The following GMIP variants were observed in gnomAD, a reference collection of about 807,000 sequenced individuals.
The protein encoded by GMIP is GEM-interacting protein.
A neutral mutation model predicts 105.3 loss-of-function variants in GMIP; 54 were observed. That is an observed-to-expected ratio of 0.51 (90% CI 0.41 to 0.64). The LOEUF (loss-of-function observed/expected upper bound fraction) is 0.64. Among genes scored for constraint, GMIP ranks in the 30% least tolerant of loss-of-function variants. The probability of loss-of-function intolerance (pLI) is 0.00; values close to 1 mark genes in which losing one functional copy is unlikely to be tolerated. For synonymous variants in GMIP, 541 were observed against 560.8 expected (o/e 0.96, Z 0.50); for missense variants, 1,110 against 1,319.4 (o/e 0.84, Z 2.46).
In GMIP at chr19:19,636,693, G is replaced by C. The variant is rs1236316007; in HGVS notation, c.1327+14C>G. 1.9e-6 allele frequency: 3 copies of C among 1,591,780 alleles called. No homozygotes were observed. The Admixed American group carries it at 5.0e-5, about 27-fold the overall frequency. ...ACAGGTGGAGTGTGGGTCAGGACCAGGTCCTATCCCTACCTGGGCTGGAAG... is the reference window on the plus strand; with the variant it reads ...ACAGGTGGAGTGTGGGTCAGGACCACGTCCTATCCCTACCTGGGCTGGAAG... On this transcript the variant is annotated intron_variant, in intron 13 of 20. Transcript: ENST00000203556.
Position 19,634,409 on chromosome 19 carries a change from A to G in GMIP, c.2084+98T>C. ...GTTCAGAGTTCAGAAAACACAGGTC[A>G]AAGGTCAGAGGTCAGTGTCAGGGGT... On this transcript the variant is annotated intron_variant, in intron 18 of 20. Coordinates refer to ENST00000203556, the MANE Select transcript of GMIP (RefSeq NM_016573.4). This position sits in a 1 kb window ranked among gnomAD's most constrained non-coding sequence, Gnocchi z 6.1. 8.7e-7 allele frequency: 1 copy of G among 1,146,210 alleles called. No individual in the cohort carries two copies. Among genetic ancestry groups the G allele is most frequent in the Non-Finnish European group, 1.3e-6 (1 of 782,860 alleles). The allele number at this position is 1,146,210 out of a possible 1,614,324, so 71.0% of individuals were successfully genotyped here.
In GMIP at chr19:19,638,298, T is replaced by G; in HGVS notation, c.650A>C (p.Gln217Pro). ...NEAVQALRRA[Q>P]LQYVQRSEDL... ...CTCGCTGCGTTGCACATACTGCAGC[T>G]GGGCGCGCCGCAGTGCCTGCACCGC... is the stretch of plus-strand genomic sequence containing the variant. The change falls in exon 9 of 21, where the codon CAG becomes CCG. Residue 217 changes from glutamine (Q) to proline (P), a missense_variant. Transcript: ENST00000203556. 3 of 1,612,564 alleles carry G rather than the reference T, an allele frequency of 1.9e-6. No homozygotes were observed. The highest frequency in any genetic ancestry group is 2.5e-6 in the Non-Finnish European group (3 of 1,179,976).
Position 19,638,247 on chromosome 19 carries a change from G to T in GMIP, c.701C>A (p.Ser234Tyr). The change falls in exon 9 of 21, where the codon TCC (serine) becomes TAC (tyrosine). Residue 234 changes from serine to tyrosine, a missense_variant. Transcript: ENST00000203556. ...SEDLRARSQG[S>Y]PEDSAPQASP... The stretch of plus-strand genomic sequence containing the variant: ...GGCCTGGGGGGCCGAGTCCTCAGGG[G>T]ACCCCTGGGAGCGTGCCCGCAGGTC... The T allele has an allele frequency of 6.2e-7, 1 of 1,603,508 alleles. No homozygotes were observed. The highest frequency in any genetic ancestry group is 1.1e-5 in the South Asian group (1 of 90,876).
At position 19,635,092 on chromosome 19, in the gene GMIP, G is replaced by T; in HGVS notation, c.1682C>A (p.Pro561Gln). ...VDFLQLPRDF[P>Q]EEVPFVVTKC... The stretch of plus-strand genomic sequence containing the variant: ...CGTGACCACAAAGGGTACCTCCTCC[G>T]GGAAGTCCCTGGGTAGCTGCAGGAA... Residue 561 changes from proline to glutamine, a missense_variant, in exon 16 of 21, where the codon CCG (proline) becomes CAG (glutamine). By Grantham distance (76) the Pro-to-Gln change is moderately conservative. This residue lies in a region of GMIP where 667 missense variants were observed against 773.2 expected (regional missense o/e 0.86). Coordinates refer to ENST00000203556, the MANE Select transcript of GMIP (RefSeq NM_016573.4). This position sits in a 1 kb window ranked among gnomAD's most constrained non-coding sequence, Gnocchi z 4.7. 6.2e-7 allele frequency: 1 copy of T among 1,614,034 alleles called. No individual in the cohort carries two copies.
intron 12 of GMIP, 43 bp from the exon 13 acceptor site, chr19:19,636,839 C>T: frequency 6.4e-7 from 1 of 1,574,064 alleles, no homozygotes; most frequent in Non-Finnish European, 8.7e-7. Flanking sequence ...TGCTCACAAA[C>T]CCCACTCCTG....
In GMIP at chr19:19,637,902, C is replaced by A. The variant is rs1176146246; in HGVS notation, c.927+18G>T. On this transcript the variant is annotated intron_variant, in intron 10 of 20. Transcript: ENST00000203556. This position sits in a 1 kb window ranked among gnomAD's most constrained non-coding sequence, Gnocchi z 6.7. ...CCCAACGGGGTGAGGGGAGGATGGC[C>A]TTGGGGATGGGCCTCACCCGCCTCA... The A allele has an allele frequency of 1.3e-6, 2 of 1,586,082 alleles. No homozygotes were observed. Among genetic ancestry groups the A allele is most frequent in the Non-Finnish European group, 1.7e-6 (2 of 1,166,756 alleles).
chr19:19,634,667 C>T lies in GMIP; in HGVS notation c.1924G>A (p.Ala642Thr), dbSNP rs150986647. The T allele has an allele frequency of 7.4e-6, 12 of 1,611,716 alleles. No individual in the cohort carries two copies. The highest frequency in any genetic ancestry group is 5.4e-5 in the African/African-American group (4 of 74,736). The change falls in exon 18 of 21, where the codon GCC becomes ACC. Residue 642 changes from alanine (A) to threonine (T), a missense_variant. Physicochemically the swap from Ala to Thr is moderately conservative, Grantham distance 58. Coordinates refer to ENST00000203556, the MANE Select transcript of GMIP (RefSeq NM_016573.4). This position sits in a 1 kb window ranked among gnomAD's most constrained non-coding sequence, Gnocchi z 6.1. Reference sequence around the variant, plus strand: ...AAGGTCTTAGCCAGAGAGATGAAGGCGTCGTAGAGGTGGAAGGGGATCACG... The same window carrying T: ...AAGGTCTTAGCCAGAGAGATGAAGGTGTCGTAGAGGTGGAAGGGGATCACG... ...EPVIPFHLYD[A>T]FISLAKTLHA... is the part of the protein sequence containing the mutation.
chr19:19,631,263 G>A (rs1304442832), intron 19 of GMIP, among the ~76,000 whole-genome samples: 1 of 152,130 alleles, frequency 6.6e-6, no homozygotes, highest in Non-Finnish European at 1.5e-5. Flanking sequence ...CATTGAGTCT[G>A]GACCGTGGGC....
At position 19,640,298 on chromosome 19, in the gene GMIP, G is replaced by C. The variant is rs767845240; in HGVS notation, c.427C>G (p.Gln143Glu). The C allele has an allele frequency of 8.7e-6, 14 of 1,613,518 alleles. No individual in the cohort carries two copies. The highest frequency in any genetic ancestry group is 6.7e-5 in the African/African-American group (5 of 74,882). Reference sequence around the variant, plus strand: ...CGGGGGGGTCTGGTCATGACTACCTGCTGTTGAATGGACACCTTGCCAGCT... The same window carrying C: ...CGGGGGGGTCTGGTCATGACTACCTCCTGTTGAATGGACACCTTGCCAGCT... ...AEAGKVSIQQ[Q>E]SHMPLQYIYT... The change falls in exon 6 of 21, where the codon CAG becomes GAG. Residue 143 changes from glutamine (Q) to glutamate (E), a missense_variant and splice_region_variant. Physicochemically the swap from Gln to Glu is conservative, Grantham distance 29 (BLOSUM62 2). Around this residue, in one of 3 missense-constraint regions of GMIP, gnomAD observed 667 missense variants for 773.2 expected, o/e 0.86. Transcript: ENST00000203556.
At chr19:19,636,573 G>T in intron 13 of GMIP, 134 bp downstream of exon 13, 1 of 693,272 alleles carries the variant, frequency 1.4e-6, no homozygotes, top group Non-Finnish European at 2.6e-6. Context: ...TAAAAAAAGA[G>T]GTTGAGGAAA....
Position 19,638,335 on chromosome 19 carries a change from GGAT to G in GMIP, c.619-9_619-7del. On this transcript the variant is annotated splice_region_variant and splice_polypyrimidine_tract_variant and intron_variant, in intron 8 of 20. Transcript: ENST00000203556. ...AGTGCCTGCACCGCCTCATTCTGGG[GGAT>G]GATGAGAAGGTCAGCGTCCCGGCCT... 6.2e-7 allele frequency: 1 copy of G among 1,614,066 alleles called. No homozygotes were observed. The highest frequency in any genetic ancestry group is 8.5e-7 in the Non-Finnish European group (1 of 1,180,032).
chr19:19,641,943 G>T (rs770770848), intron 3 of GMIP, 33 bp downstream of exon 3: 3 of 1,601,952 alleles, frequency 1.9e-6, no homozygotes, highest in South Asian at 2.2e-5. Flanking sequence ...TCTGCTTGAG[G>T]TCTTCCTCCC....
intron 4 of GMIP, among the ~76,000 whole-genome samples, chr19:19,640,869 G>A (rs939204189): frequency 6.6e-6 from 1 of 152,108 alleles, no homozygotes; most frequent in Admixed American, 6.5e-5. Flanking sequence ...GGGTTCAAGC[G>A]ATTCTCCTGC....
Position 19,640,176 on chromosome 19 carries a change from T to G in GMIP, c.446A>C (p.Gln149Pro). The change falls in exon 7 of 21, where the codon CAG becomes CCG. Residue 149 changes from glutamine to proline, a missense_variant. Physicochemically the swap from Gln to Pro is moderately conservative, Grantham distance 76. This residue lies in a region of GMIP where 667 missense variants were observed against 773.2 expected (regional missense o/e 0.86). Transcript: ENST00000203556. ...SIQQQSHMPL[Q>P]YIYTLFLEHD... is the part of the protein sequence containing the mutation. ...CTCCAGAAACAGGGTGTAGATGTACTGCAGAGGCATGTGGCTCTGGGGAAG... is the reference window on the plus strand; with the variant it reads ...CTCCAGAAACAGGGTGTAGATGTACGGCAGAGGCATGTGGCTCTGGGGAAG... 1 of 1,610,812 alleles carries G rather than the reference T, an allele frequency of 6.2e-7. No homozygotes were observed. Among genetic ancestry groups the G allele is most frequent in the Non-Finnish European group, 8.5e-7 (1 of 1,178,456 alleles).
At position 19,634,894 on chromosome 19, in the gene GMIP, C is replaced by T. The variant is rs1251465180; in HGVS notation, c.1785G>A (p.Val595=). Residue 595 remains valine (V), a synonymous_variant, in exon 17 of 21, where the codon GTG becomes GTA. Transcript: ENST00000203556. The surrounding 1 kb of genome is among the most constrained non-coding windows in gnomAD (Gnocchi z 6.1). ...IYRVSGSRVR[V]ERLCQAFENG... ...TCTCGAAAGCCTGGCACAGCCGCTC[C>T]ACACGGACCCGGGACCCGCTGACCC... is the stretch of plus-strand genomic sequence containing the variant. 1 of 1,613,958 alleles carries T rather than the reference C, an allele frequency of 6.2e-7. No individual in the cohort carries two copies. Among genetic ancestry groups the T allele is most frequent in the Non-Finnish European group, 8.5e-7 (1 of 1,180,046 alleles).
chr19:19,632,786 T>A (rs2061809525), intron 19 of GMIP, among the ~76,000 whole-genome samples: 1 of 152,154 alleles, frequency 6.6e-6, no homozygotes, highest in African/African-American at 2.4e-5. Flanking sequence ...TCCTCTTTGG[T>A]ATCACTTCAT....
In GMIP at chr19:19,629,680, C is replaced by T. The variant is rs2061771603; in HGVS notation, c.*283G>A. ...TGGACCCCAAGGATCTCATAACCTGCACTGACCCTGAGTATTGACCCTGAG... is the reference window on the plus strand; with the variant it reads ...TGGACCCCAAGGATCTCATAACCTGTACTGACCCTGAGTATTGACCCTGAG... On this transcript the variant is annotated 3_prime_UTR_variant, in exon 21 of 21. Transcript: ENST00000203556. 4.4e-6 allele frequency: 2 copies of T among 455,074 alleles called. No individual in the cohort carries two copies. The highest frequency in any genetic ancestry group is 8.1e-5 in the East Asian group (2 of 24,692). The allele number at this position is 455,074 out of a possible 1,614,324, so 28.2% of individuals were successfully genotyped here.
rs368906401 is a variant in GMIP at position 19,630,589 on chromosome 19, T to C, written c.2473-52A>G. On this transcript the variant is annotated intron_variant, in intron 19 of 20. Coordinates refer to ENST00000203556, the MANE Select transcript of GMIP (RefSeq NM_016573.4). This position sits in a 1 kb window ranked among gnomAD's most constrained non-coding sequence, Gnocchi z 4.8. ...CCCCAACACTAAAATCCCAGTTCTT[T>C]GAGATTCCTGGAGAGCCAAGGGCTT... 3 of 1,496,448 alleles carry C rather than the reference T, an allele frequency of 2.0e-6. No individual in the cohort carries two copies. Among genetic ancestry groups the C allele is most frequent in the Non-Finnish European group, 2.8e-6 (3 of 1,073,412 alleles). The allele number at this position is 1,496,448 out of a possible 1,614,324, so 92.7% of individuals were successfully genotyped here.
At chr19:19,638,378 C>G (rs1299829975) in intron 8 of GMIP, 24 bp downstream of exon 8, 1 of 1,614,088 alleles carries the variant, frequency 6.2e-7, no homozygotes, top group Non-Finnish European at 8.5e-7. Flanking sequence ...CTCACCCTAC[C>G]CTTCCACCAA....
Sources: allele counts gnomAD v4.1 joint callset (sites outside exome capture counted in the v4.1 genomes callset), GRCh38; gene constraint gnomAD v4.1.1; regional missense constraint gnomAD v4.1.1; non-coding constraint Gnocchi (gnomAD v3.1); transcripts MANE v1.5; gene names NCBI Gene and HGNC (gene_info 2026-07-23, HGNC 2026-07-21).